Variants in JCAD observed in about 807,000 individuals in gnomAD.
JCAD encodes junctional cadherin 5-associated protein.
In JCAD, 40 loss-of-function variants were observed where a neutral mutation model predicts 98.0. The ratio of observed to expected loss-of-function variants is 0.41; its 90% confidence interval spans 0.32 to 0.53. The LOEUF (loss-of-function observed/expected upper bound fraction) is 0.53. Among genes scored for constraint, JCAD ranks in the 20% least tolerant of loss-of-function variants. JCAD has a pLI of 0.31. For missense variants in JCAD, 1,705 were observed against 1,738.1 expected (o/e 0.98, Z 0.34); for synonymous variants, 691 against 682.3 (o/e 1.01, Z -0.20).
chr10:30,103,008 A>G (rs1178756432), intron 1 of JCAD, among the ~76,000 whole-genome samples: 2 of 152,128 alleles, frequency 1.3e-5, no homozygotes, highest in Non-Finnish European at 2.9e-5. Context: ...GGTCCCTCCC[A>G]TGACACATGG....
At chr10:30,041,048 C>A (rs544162038) in intron 2 of JCAD, among the ~76,000 whole-genome samples, 1 of 152,134 alleles carries the variant, frequency 6.6e-6, no homozygotes, top group African/African-American at 2.4e-5. Context: ...CAGAAGCCTG[C>A]ACCTCCACAC....
chr10:30,099,595 G>A (rs1245972390), intron 1 of JCAD, among the ~76,000 whole-genome samples: 4 of 151,790 alleles, frequency 2.6e-5, no homozygotes, highest in Admixed American at 6.6e-5. Context: ...TAACAGGAAG[G>A]GGTATAATAA....
chr10:30,051,307 C>CACACACACACACACACACAA (rs942139423), intron 1 of JCAD, among the ~76,000 whole-genome samples: 1 of 151,450 alleles, frequency 6.6e-6, no homozygotes, highest in African/African-American at 2.4e-5. Context: ...CACACACACA[C>CACACACACACACACACACAA]AAGAGTTGAT....
At chr10:30,035,769 A>G (rs934662985) in intron 2 of JCAD, among the ~76,000 whole-genome samples, 1 of 152,228 alleles carries the variant, frequency 6.6e-6, no homozygotes, top group African/African-American at 2.4e-5. Flanking sequence ...AGGGTGGGAA[A>G]AAGATAAGGA....
At chr10:30,090,681 G>A (rs1302038553) in intron 1 of JCAD, among the ~76,000 whole-genome samples, 2 of 152,092 alleles carry the variant, frequency 1.3e-5, no homozygotes, top group Non-Finnish European at 1.5e-5. Flanking sequence ...AGACCATGAC[G>A]CGCAGGACCC....
chr10:30,089,514 GT>G (rs1838224781), intron 1 of JCAD, among the ~76,000 whole-genome samples: 2 of 11,788 alleles, frequency 1.7e-4, no homozygotes, highest in Non-Finnish European at 1.3e-4. Context: ...TGCTTCTTCC[GT>G]GTGTGTGTGT....
At chr10:30,025,072 C>A (rs73598337) in intron 3 of JCAD, among the ~76,000 whole-genome samples, 5,488 of 152,166 alleles carry the variant, frequency 0.036, 329 homozygotes, top group African/African-American at 0.13. Context: ...CTTCAAAATT[C>A]TTGGGTTTCA....
chr10:30,112,780 G>C (rs1838727172), intron 1 of JCAD, among the ~76,000 whole-genome samples: 1 of 150,760 alleles, frequency 6.6e-6, no homozygotes, highest in Admixed American at 6.7e-5. Flanking sequence ...GCTGAGACAG[G>C]AGAATTGCTT....
In JCAD at chr10:30,026,566, G is replaced by A; in HGVS notation, c.3582C>T (p.Ser1194=). ...GTTCGAAGAACTTGGACTCCAAGGG[G>A]CTGGGCTCAGGCTCAGGGACAGGGT... is the stretch of plus-strand genomic sequence containing the variant. ...STDPVPEPEP[S]PLESKFFEQK... Residue 1194 remains serine (S), a synonymous_variant, in exon 3 of 4, where the codon AGC becomes AGT. Transcript: ENST00000375377. 1.2e-6 allele frequency: 2 copies of A among 1,614,180 alleles called. No homozygotes were observed. The highest frequency in any genetic ancestry group is 1.7e-6 in the Non-Finnish European group (2 of 1,180,034).
intron 1 of JCAD, among the ~76,000 whole-genome samples, chr10:30,085,906 C>G (rs558500390): frequency 5.6e-5 from 7 of 123,976 alleles, no homozygotes; most frequent in African/African-American, 2.2e-4. Flanking sequence ...AAACACCAAT[C>G]CAGTCCTTCC....
chr10:30,083,043 CAAACA>C (rs1362123637), intron 1 of JCAD, among the ~76,000 whole-genome samples: 423 of 151,786 alleles, frequency 2.8e-3, no homozygotes, highest in African/African-American at 9.7e-3. Flanking sequence ...AAAAAGCAAA[CAAACA>C]GAAAAACAGA....
At chr10:30,038,710 G>T (rs1196227455) in intron 2 of JCAD, among the ~76,000 whole-genome samples, 1 of 144,062 alleles carries the variant, frequency 6.9e-6, no homozygotes, top group African/African-American at 2.6e-5. Flanking sequence ...AAAAAAGAAA[G>T]AAAGAAAAGA....
At chr10:30,022,556 A>G (rs1836684174) in intron 3 of JCAD, among the ~76,000 whole-genome samples, 1 of 152,228 alleles carries the variant, frequency 6.6e-6, no homozygotes, top group Non-Finnish European at 1.5e-5. Flanking sequence ...TACTACCTCC[A>G]TCATATGACC....
At position 30,026,674 on chromosome 10, in the gene JCAD, G is replaced by C; in HGVS notation, c.3474C>G (p.Leu1158=). Residue 1158 remains leucine (L), a synonymous_variant, in exon 3 of 4, where the codon CTC becomes CTG. Coordinates refer to ENST00000375377, the MANE Select transcript of JCAD (RefSeq NM_020848.4). ...RRKCGWTKSP[L]FVGDRDSARR... is the part of the protein sequence containing the mutation. ...TGGCACTGTCCCTGTCCCCTACAAAGAGAGGGCTCTTGGTCCAGCCGCACT... is the reference window on the plus strand; with the variant it reads ...TGGCACTGTCCCTGTCCCCTACAAACAGAGGGCTCTTGGTCCAGCCGCACT... 1 of 1,613,474 alleles carries C rather than the reference G, an allele frequency of 6.2e-7. No homozygotes were observed. Among genetic ancestry groups the C allele is most frequent in the Non-Finnish European group, 8.5e-7 (1 of 1,180,036 alleles).
Position 30,100,938 on chromosome 10 carries a change from G to A in JCAD, n.128+14429C>T, listed in dbSNP as rs567322197. On this transcript the variant is annotated intron_variant and non_coding_transcript_variant, in intron 1 of 2. Coordinates refer to the JCAD transcript ENST00000465712. Reference sequence around the variant, plus strand: ...GGATAACTGGAAGTGGGACTTCCAAGTCAGGCAGATTCAAAGATTTTCTAA... The same window carrying A: ...GGATAACTGGAAGTGGGACTTCCAAATCAGGCAGATTCAAAGATTTTCTAA... 1.4e-4 allele frequency among the ~76,000 whole-genome samples: 22 copies of A among 152,322 alleles called. 3 individuals are homozygous for A. The South Asian group carries it at 4.6e-3, about 32-fold the overall frequency.
At chr10:30,037,077 C>T (rs1210372363) in intron 2 of JCAD, among the ~76,000 whole-genome samples, 1 of 152,208 alleles carries the variant, frequency 6.6e-6, no homozygotes, top group African/African-American at 2.4e-5. Context: ...GCGTTCTCCT[C>T]TGGTTGGCAG....
chr10:30,079,203 C>T lies in JCAD; in HGVS notation n.129-9382G>A, dbSNP rs565988230. 1.1e-4 allele frequency among the ~76,000 whole-genome samples: 16 copies of T among 152,044 alleles called. No homozygotes were observed. The South Asian group carries it at 1.5e-3, about 14-fold the overall frequency. ...CCCTACTAAAAATACAAAAATTAGCCGGGCGTGGTGGCCGGCGCCTGTAGT... is the reference window on the plus strand; with the variant it reads ...CCCTACTAAAAATACAAAAATTAGCTGGGCGTGGTGGCCGGCGCCTGTAGT... On this transcript the variant is annotated intron_variant and non_coding_transcript_variant, in intron 1 of 2. Coordinates refer to the JCAD transcript ENST00000465712.
chr10:30,111,089 C>T (rs1380098376), intron 1 of JCAD, among the ~76,000 whole-genome samples: 5 of 151,908 alleles, frequency 3.3e-5, no homozygotes, highest in Non-Finnish European at 7.4e-5. Context: ...TGCCTCTACC[C>T]CCGACCTGAT....
chr10:30,019,801 A>G (rs1836619421), intron 3 of JCAD, among the ~76,000 whole-genome samples: 1 of 152,158 alleles, frequency 6.6e-6, no homozygotes, highest in Non-Finnish European at 1.5e-5. Context: ...GGTAACTATG[A>G]GAGAAGATGA....
Sources: allele counts gnomAD v4.1 joint callset (sites outside exome capture counted in the v4.1 genomes callset), GRCh38; gene constraint gnomAD v4.1.1; transcripts MANE v1.5; gene names NCBI Gene and HGNC (gene_info 2026-07-23, HGNC 2026-07-21).